The following LRCH1 variants were observed in gnomAD, a reference collection of about 807,000 sequenced individuals.
LRCH1 encodes leucine rich repeats and calponin homology domain containing 1, also known as leucine-rich repeat and calponin homology domain-containing protein 1.
LRCH1 carries 23 observed loss-of-function variants against 94.9 expected under a neutral mutation model. The observed-to-expected ratio is 0.24, with a 90% confidence interval of 0.17 to 0.34. The LOEUF is 0.34. Among genes scored for constraint, LRCH1 ranks in the 10% least tolerant of loss-of-function variants. The pLI, the probability that LRCH1 is intolerant of heterozygous loss-of-function variation, is 1.00. For synonymous variants in LRCH1, 364 were observed against 354.9 expected, an observed-to-expected ratio of 1.03 and a Z score of -0.29; for missense variants, 790 against 945.9, an observed-to-expected ratio of 0.84 and a Z score of 2.16.
intron 1 of LRCH1, among the ~76,000 whole-genome samples, chr13:46,647,804 T>G (rs926299951): frequency 1.3e-5 from 2 of 151,790 alleles, no homozygotes; most frequent in East Asian, 1.9e-4. Flanking sequence ...CTTTTTTTTT[T>G]TTTTTTTCGT....
At chr13:46,574,515 G>A (rs1366389726) in intron 1 of LRCH1, among the ~76,000 whole-genome samples, 1 of 152,152 alleles carries the variant, frequency 6.6e-6, no homozygotes, top group Non-Finnish European at 1.5e-5. Flanking sequence ...CATCAAGGAA[G>A]AAGTGGCATT....
chr13:46,689,238 A>G (rs756050489), intron 7 of LRCH1, 42 bp downstream of exon 7: 14 of 1,494,040 alleles, frequency 9.4e-6, no homozygotes, highest in Admixed American at 3.4e-5. Flanking sequence ...GTACTTCTAG[A>G]CATATCTACC....
chr13:46,707,691 T>C (rs1352843105), intron 13 of LRCH1, among the ~76,000 whole-genome samples: 3 of 152,236 alleles, frequency 2.0e-5, no homozygotes, highest in African/African-American at 4.8e-5. Context: ...AATAATTTTG[T>C]CTTCTAAGAT....
chr13:46,716,746 A>G (rs934227964), intron 16 of LRCH1, among the ~76,000 whole-genome samples: 1 of 152,214 alleles, frequency 6.6e-6, no homozygotes, highest in African/African-American at 2.4e-5. Flanking sequence ...AATTTTTAAT[A>G]TTTCATAGAT....
intron 1 of LRCH1, among the ~76,000 whole-genome samples, chr13:46,593,383 CAAACATTTCTAGG>C (rs1404913911): frequency 7.0e-6 from 1 of 142,882 alleles, no homozygotes; most frequent in Non-Finnish European, 1.5e-5. Flanking sequence ...TGCCATTCTT[CAAACATTTCTAGG>C]AATCCCAATA....
intron 1 of LRCH1, among the ~76,000 whole-genome samples, chr13:46,587,049 AT>A (rs1339018212): frequency 6.6e-6 from 1 of 152,200 alleles, no homozygotes; most frequent in Non-Finnish European, 1.5e-5. Flanking sequence ...TTTGCTAAGG[AT>A]CAACTAGCTC....
intron 17 of LRCH1, among the ~76,000 whole-genome samples, chr13:46,723,732 C>T (rs951050479): frequency 1.3e-5 from 2 of 151,754 alleles, no homozygotes; most frequent in South Asian, 4.2e-4. Context: ...CCCAGGAATG[C>T]GAGGCTGCAG....
At chr13:46,641,473 A>T (rs1594308528) in intron 1 of LRCH1, among the ~76,000 whole-genome samples, 1 of 152,342 alleles carries the variant, frequency 6.6e-6, no homozygotes, top group East Asian at 1.9e-4. Flanking sequence ...CCTTTTACCC[A>T]GTTATTGAGA....
At chr13:46,566,018 T>C (rs1346919668) in intron 1 of LRCH1, among the ~76,000 whole-genome samples, 2 of 151,676 alleles carry the variant, frequency 1.3e-5, no homozygotes, top group Non-Finnish European at 2.9e-5. Flanking sequence ...GGCCTCCAGA[T>C]TGGAGGGGTG....
intron 1 of LRCH1, among the ~76,000 whole-genome samples, chr13:46,615,777 G>A (rs893035488): frequency 8.5e-5 from 13 of 152,128 alleles, no homozygotes; most frequent in African/African-American, 2.9e-4. Flanking sequence ...ATGTACAGAC[G>A]TGCCCAGCTA....
chr13:46,727,131 G>A (rs767602877), intron 17 of LRCH1, among the ~76,000 whole-genome samples: 11 of 152,138 alleles, frequency 7.2e-5, no homozygotes, highest in Non-Finnish European at 1.6e-4. Context: ...TCGAAGGAAA[G>A]GAAAAGAATA....
rs779347400 is a variant in LRCH1 at position 46,553,369 on chromosome 13, G to T, written c.-28G>T. The T allele has an allele frequency of 4.0e-6, 6 of 1,506,178 alleles. No individual in the cohort carries two copies. The African/African-American group carries it at 6.9e-5, about 17-fold the overall frequency. 93.3% of individuals were successfully genotyped at this position (1,506,178 alleles called of 1,614,324 possible). On this transcript the variant is annotated 5_prime_UTR_variant, in exon 1 of 20. Transcript: ENST00000389797. ...GCTGTGACCCCCCCGCAGGAGCGGC[G>T]GGGCGGGGTGGGGGGGCCCGGGAGA...
intron 1 of LRCH1, among the ~76,000 whole-genome samples, chr13:46,573,273 G>A (rs1467962540): frequency 6.6e-6 from 1 of 152,150 alleles, no homozygotes; most frequent in Non-Finnish European, 1.5e-5. Flanking sequence ...TATTTGAGCC[G>A]AGTAAGTGAA....
intron 2 of LRCH1, among the ~76,000 whole-genome samples, chr13:46,660,235 C>T (rs1419547798): frequency 6.6e-6 from 1 of 151,500 alleles, no homozygotes; most frequent in African/African-American, 2.4e-5. Flanking sequence ...AGGATGGTCT[C>T]GATCTCCTGA....
Position 46,616,434 on chromosome 13 carries a change from G to A in LRCH1, c.308-33767G>A, listed in dbSNP as rs931030329. 3.3e-5 allele frequency among the ~76,000 whole-genome samples: 5 copies of A among 152,162 alleles called. No individual in the cohort carries two copies. The East Asian group carries it at 9.6e-4, about 29-fold the overall frequency. On this transcript the variant is annotated intron_variant, in intron 1 of 19. Transcript: ENST00000389797. ...GACAGCACCCCCAACCCAGTCTTTG[G>A]TCATAAGCCTGACAGCACGGTGAGA...
intron 7 of LRCH1, 126 bp from the exon 8 acceptor site, chr13:46,692,410 A>G (rs1433320992): frequency 6.1e-6 from 4 of 651,118 alleles, no homozygotes; most frequent in Non-Finnish European, 1.0e-5. Context: ...TGACCTTTGT[A>G]TCTGGCAACT....
Position 46,742,481 on chromosome 13 carries a change from G to A in LRCH1, c.*633G>A. On this transcript the variant is annotated 3_prime_UTR_variant, in exon 20 of 20. Coordinates refer to ENST00000389797, the MANE Select transcript of LRCH1 (RefSeq NM_001164211.2). The stretch of plus-strand genomic sequence containing the variant: ...GCCGCGAAGGGCGCTGGGCAGTGTG[G>A]CCGCCAACTTCCACCCCGGCAAGCC... 5 of 985,894 alleles carry A rather than the reference G, an allele frequency of 5.1e-6. No homozygotes were observed. Among genetic ancestry groups the A allele is most frequent in the Non-Finnish European group, 6.0e-6 (5 of 830,296 alleles). 61.1% of individuals were successfully genotyped at this position (985,894 alleles called of 1,614,324 possible). A position where few individuals can be genotyped will look rare whatever the true frequency, so the allele number is the denominator to read the frequency against.
intron 5 of LRCH1, among the ~76,000 whole-genome samples, chr13:46,687,510 G>A (rs1870681972): frequency 6.6e-6 from 1 of 152,086 alleles, no homozygotes; most frequent in Admixed American, 6.5e-5. Context: ...GAAAATAATT[G>A]TGCTTTTCTC....
At chr13:46,727,251 A>C (rs984262086) in intron 17 of LRCH1, among the ~76,000 whole-genome samples, 17 of 152,224 alleles carry the variant, frequency 1.1e-4, no homozygotes, top group African/African-American at 4.1e-4. Flanking sequence ...AGCCCAGTGG[A>C]TGGGCTCCAC....
Sources: gnomAD v4.1 joint callset for allele counts (sites outside exome capture counted in the v4.1 genomes callset) on GRCh38, gnomAD v4.1.1 for gene constraint, MANE v1.5 for transcripts, NCBI Gene and HGNC (gene_info 2026-07-23, HGNC 2026-07-21) for gene names.